EDIL3: variants seen among roughly 807,000 people sequenced by gnomAD.
EDIL3 encodes the protein EGF-like repeat and discoidin I-like domain-containing protein 3.
In EDIL3, 37 loss-of-function variants were observed where a neutral mutation model predicts 67.4. That is an observed-to-expected ratio of 0.55 (90% CI 0.42 to 0.72). The LOEUF is 0.72. Among genes scored for constraint, EDIL3 ranks in the 30% least tolerant of loss-of-function variants. The pLI is 0.00. For missense variants in EDIL3, 527 were observed against 586.3 expected (o/e 0.90, Z 1.04); for synonymous variants, 195 against 196.3 (o/e 0.99, Z 0.05).
rs116516677 is a variant in EDIL3 at position 84,116,276 on chromosome 5, C to G, written c.470-9446G>C. Among the ~76,000 whole-genome samples the G allele has an allele frequency of 6.5e-3, 967 of 149,750 alleles. 10 individuals carry two copies. The highest frequency in any genetic ancestry group is 0.023 in the African/African-American group (926 of 40,740). ...AAGACATACTGAGCTCTGTCTAATA[C>G]TAGCACACTTCGAAAAGTTGTGGAA... On this transcript the variant is annotated intron_variant, in intron 5 of 10. Coordinates refer to ENST00000296591, the MANE Select transcript of EDIL3 (RefSeq NM_005711.5).
intron 6 of EDIL3, among the ~76,000 whole-genome samples, chr5:84,090,320 A>C (rs1268834268): frequency 6.6e-6 from 1 of 152,218 alleles, no homozygotes; most frequent in Non-Finnish European, 1.5e-5. Flanking sequence ...TCTCATTTTG[A>C]AGAGCAATAT....
chr5:84,281,855 C>CTTTTTTTTT (rs10708663), intron 1 of EDIL3, among the ~76,000 whole-genome samples: 3 of 72,576 alleles, frequency 4.1e-5, no homozygotes, highest in Admixed American at 2.1e-4. Context: ...TTTTATTTCA[C>CTTTTTTTTT]TTTTTTTTTT....
At chr5:84,065,119 G>A (rs2112240077) in intron 7 of EDIL3, among the ~76,000 whole-genome samples, 1 of 152,154 alleles carries the variant, frequency 6.6e-6, no homozygotes, top group Middle Eastern at 3.4e-3. Flanking sequence ...TTCAGAACCA[G>A]GGCAGCGCTC....
chr5:84,042,069 A>G (rs569630667), intron 9 of EDIL3, among the ~76,000 whole-genome samples: 26 of 152,262 alleles, frequency 1.7e-4, no homozygotes, highest in African/African-American at 6.0e-4. Flanking sequence ...TATACACCCA[A>G]TGCCATAATG....
chr5:84,236,295 G>A (rs1744681913), intron 2 of EDIL3, among the ~76,000 whole-genome samples: 2 of 152,032 alleles, frequency 1.3e-5, no homozygotes, highest in Middle Eastern at 3.2e-3. Flanking sequence ...TATCCCAGCT[G>A]TTATTAGTCT....
intron 9 of EDIL3, among the ~76,000 whole-genome samples, chr5:84,016,438 T>C (rs1200648800): frequency 1.3e-5 from 2 of 152,180 alleles, no homozygotes; most frequent in Non-Finnish European, 2.9e-5. Context: ...TATTCCCTAT[T>C]GTGTTTTGTA....
chr5:84,244,804 G>T (rs996619926), intron 2 of EDIL3, among the ~76,000 whole-genome samples: 1 of 152,146 alleles, frequency 6.6e-6, no homozygotes, highest in East Asian at 1.9e-4. Flanking sequence ...TCCGTGGCCT[G>T]TTATGAACCA....
At chr5:84,213,172 T>C (rs1022959529) in intron 3 of EDIL3, among the ~76,000 whole-genome samples, 1 of 138,290 alleles carries the variant, frequency 7.2e-6, no homozygotes, top group African/African-American at 2.7e-5. Context: ...GAACTTAACA[T>C]TGATCAGTAT....
At chr5:84,319,325 GCA>G in intron 1 of EDIL3, among the ~76,000 whole-genome samples, 1 of 111,460 alleles carries the variant, frequency 9.0e-6, no homozygotes, top group African/African-American at 3.2e-5. Context: ...TTAGCCGGGC[GCA>G]GTGGCGGGCG....
chr5:84,227,271 A>C (rs1015945558), intron 3 of EDIL3, among the ~76,000 whole-genome samples: 1 of 152,078 alleles, frequency 6.6e-6, no homozygotes, highest in South Asian at 2.1e-4. Context: ...AATTGGGCAA[A>C]GGACATGGAC....
intron 10 of EDIL3, among the ~76,000 whole-genome samples, chr5:83,951,275 C>T (rs1336302889): frequency 2.0e-5 from 3 of 151,682 alleles, no homozygotes; most frequent in Admixed American, 2.0e-4. Flanking sequence ...CAAGAAATTT[C>T]TTGTGGCTCT....
At chr5:84,334,941 G>A (rs1234467747) in intron 1 of EDIL3, among the ~76,000 whole-genome samples, 1 of 152,070 alleles carries the variant, frequency 6.6e-6, no homozygotes, top group Non-Finnish European at 1.5e-5. Context: ...CATTTTGTTA[G>A]TAATTATGCA....
At chr5:84,117,131 C>T (rs542511145) in intron 5 of EDIL3, among the ~76,000 whole-genome samples, 8 of 149,574 alleles carry the variant, frequency 5.3e-5, no homozygotes, top group African/African-American at 1.7e-4. Flanking sequence ...GGGTTCACGC[C>T]ATTCTCCCGC....
chr5:84,314,609 A>G (rs1746472942), intron 1 of EDIL3, among the ~76,000 whole-genome samples: 1 of 152,162 alleles, frequency 6.6e-6, no homozygotes, highest in African/African-American at 2.4e-5. Flanking sequence ...AAGAACATCA[A>G]TCTTCCTTCC....
At chr5:84,211,241 C>T (rs763811673) in intron 3 of EDIL3, among the ~76,000 whole-genome samples, 9 of 152,028 alleles carry the variant, frequency 5.9e-5, no homozygotes, top group Non-Finnish European at 1.2e-4. Flanking sequence ...AGGAGTGAGT[C>T]CTCACTATTA....
intron 9 of EDIL3, among the ~76,000 whole-genome samples, chr5:84,057,902 A>G (rs1008064374): frequency 5.9e-5 from 9 of 152,124 alleles, no homozygotes; most frequent in Admixed American, 2.6e-4. Flanking sequence ...TCTTGAAACA[A>G]ACAGCCTAGC....
intron 1 of EDIL3, among the ~76,000 whole-genome samples, chr5:84,328,781 A>G (rs1746816298): frequency 6.6e-6 from 1 of 152,100 alleles, no homozygotes; most frequent in Admixed American, 6.6e-5. Context: ...TCAGCGGTTC[A>G]TATTATCTCT....
intron 3 of EDIL3, among the ~76,000 whole-genome samples, chr5:84,209,975 A>G: frequency 6.6e-6 from 1 of 152,254 alleles, no homozygotes; most frequent in East Asian, 1.9e-4. Flanking sequence ...GTGTCAAAGC[A>G]CATTCTAATT....
intron 9 of EDIL3, among the ~76,000 whole-genome samples, chr5:83,983,351 A>G (rs1360405300): frequency 6.6e-6 from 1 of 152,136 alleles, no homozygotes; most frequent in Non-Finnish European, 1.5e-5. Flanking sequence ...ATGCTTATTA[A>G]TTAGATAGGT....
Sources: allele counts gnomAD v4.1 joint callset (sites outside exome capture counted in the v4.1 genomes callset), GRCh38; gene constraint gnomAD v4.1.1; transcripts MANE v1.5; gene names NCBI Gene and HGNC (gene_info 2026-07-23, HGNC 2026-07-21).